ITPKC: variants seen among roughly 807,000 people sequenced by gnomAD.
The protein encoded by ITPKC is IP3 3-kinase C.
A neutral mutation model predicts 67.1 loss-of-function variants in ITPKC; 33 were observed. The ratio of observed to expected loss-of-function variants is 0.49; its 90% confidence interval spans 0.37 to 0.66. The LOEUF is 0.66. Ranked by LOEUF, ITPKC falls within the 30% of genes least tolerant of loss-of-function variation. The pLI is 0.00. For missense variants in ITPKC, 820 were observed against 892.1 expected (o/e 0.92, Z 1.03); for synonymous variants, 341 against 359.8 (o/e 0.95, Z 0.59).
At chr19:40,738,798 T>A (rs1163555288) in intron 6 of ITPKC, among the ~76,000 whole-genome samples, 2 of 152,208 alleles carry the variant, frequency 1.3e-5, no homozygotes, top group Non-Finnish European at 2.9e-5. Flanking sequence ...GTCGACCCCT[T>A]ATCCTCAGGT....
intron 3 of ITPKC, among the ~76,000 whole-genome samples, chr19:40,732,609 T>G (rs953658003): frequency 5.9e-5 from 9 of 151,902 alleles, no homozygotes; most frequent in Admixed American, 1.3e-4. Flanking sequence ...CAATATACAT[T>G]GTAACTAACA....
At chr19:40,729,533 A>T in intron 3 of ITPKC, 118 bp downstream of exon 3, 1 of 834,886 alleles carries the variant, frequency 1.2e-6, no homozygotes, top group Non-Finnish European at 1.9e-6. Flanking sequence ...TGGGAGGCCG[A>T]GGCTGGTGGA....
At chr19:40,720,937 C>T (rs763769186) in intron 1 of ITPKC, among the ~76,000 whole-genome samples, 14 of 151,950 alleles carry the variant, frequency 9.2e-5, no homozygotes, top group Admixed American at 4.6e-4. Context: ...ATTGTGTTCT[C>T]TTTCTTTTTC....
chr19:40,739,423 T>G lies in ITPKC; in HGVS notation c.1915T>G (p.Phe639Val). The G allele has an allele frequency of 1.9e-6, 3 of 1,613,698 alleles. No homozygotes were observed. Among genetic ancestry groups the G allele is most frequent in the Non-Finnish European group, 2.5e-6 (3 of 1,180,028 alleles). The change falls in exon 7 of 7, where the codon TTC (phenylalanine) becomes GTC (valine). Residue 639 changes from phenylalanine (F) to valine (V), a missense_variant. Physicochemically the swap from Phe to Val is conservative, Grantham distance 50 (BLOSUM62 -1). Coordinates refer to ENST00000263370, the MANE Select transcript of ITPKC (RefSeq NM_025194.3). ...CCTGGCCAAGGTCTGGATGATAGAC[T>G]TCGGCAAGACGGTGGCCTTGCCCGA... is the stretch of plus-strand genomic sequence containing the variant. ...TGLAKVWMID[F>V]GKTVALPDHQ...
intron 2 of ITPKC, among the ~76,000 whole-genome samples, chr19:40,728,414 A>C (rs2082255878): frequency 6.6e-6 from 1 of 152,168 alleles, no homozygotes; most frequent in Admixed American, 6.5e-5. Context: ...ATATAATCTG[A>C]AAATACAGCT....
chr19:40,734,329 A>G (rs1249615056), intron 4 of ITPKC, among the ~76,000 whole-genome samples: 2 of 152,112 alleles, frequency 1.3e-5, no homozygotes, highest in Non-Finnish European at 2.9e-5. Flanking sequence ...CACTTTGTAT[A>G]TAAGACATTT....
rs1235899794 is a variant in ITPKC at position 40,740,316 on chromosome 19, T to A, written c.*756T>A. ...GTACCTCGCTCCTCTGTGCACCAGA[T>A]CCGGCCTCAGGACTTACACCTCCTG... On this transcript the variant is annotated 3_prime_UTR_variant, in exon 7 of 7. Coordinates refer to ENST00000263370, the MANE Select transcript of ITPKC (RefSeq NM_025194.3). The A allele has an allele frequency of 6.5e-6, 1 of 153,774 alleles. No homozygotes were observed. The highest frequency in any genetic ancestry group is 1.9e-4 in the East Asian group (1 of 5,296). 9.5% of individuals were successfully genotyped at this position (153,774 alleles called of 1,614,324 possible).
chr19:40,718,261 G>T lies in ITPKC; in HGVS notation c.1126G>T (p.Gly376Cys). 6.6e-7 allele frequency: 1 copy of T among 1,519,892 alleles called. No individual in the cohort carries two copies. 94.2% of individuals were successfully genotyped at this position (1,519,892 alleles called of 1,614,324 possible). ...SEDDVVAGGGGASDPEDRSGS... is the reference protein window; with the variant it reads ...SEDDVVAGGGCASDPEDRSGS... Reference sequence around the variant, plus strand: ...GGATGACGTGGTGGCCGGGGGCGGAGGTGCCAGCGATCCCGAGGACAGGTC... The same window carrying T: ...GGATGACGTGGTGGCCGGGGGCGGATGTGCCAGCGATCCCGAGGACAGGTC... Residue 376 changes from glycine (G) to cysteine (C), a missense_variant, in exon 1 of 7, where the codon GGT becomes TGT. Gly to Cys is a radical substitution (Grantham distance 159). Transcript: ENST00000263370.
At chr19:40,736,087 C>T (rs930389187) in intron 4 of ITPKC, among the ~76,000 whole-genome samples, 14 of 152,116 alleles carry the variant, frequency 9.2e-5, no homozygotes, top group Admixed American at 2.6e-4. Flanking sequence ...GTCAGGAGAT[C>T]GAGACCATCC....
rs1286723647 is a variant in ITPKC, at chr19:40,733,152, G to C, written c.1470-8G>C. 6.2e-7 allele frequency: 1 copy of C among 1,613,238 alleles called. No individual in the cohort carries two copies. The highest frequency in any genetic ancestry group is 1.1e-5 in the South Asian group (1 of 91,022). ...TAATTTCCTTTGTCACATCCTCTGT[G>C]TGCTCAGGACCTATCTGGAAGAGGA... On this transcript the variant is annotated splice_polypyrimidine_tract_variant and splice_region_variant and intron_variant, in intron 3 of 6. Transcript: ENST00000263370.
In ITPKC at chr19:40,739,408, G is replaced by T. The variant is rs141298994; in HGVS notation, c.1900G>T (p.Val634Phe). The change falls in exon 7 of 7, where the codon GTC becomes TTC. Residue 634 changes from valine to phenylalanine, a missense_variant. This residue lies in a region of ITPKC where 339 missense variants were observed against 422.0 expected (regional missense o/e 0.80). Transcript: ENST00000263370. Reference sequence around the variant, plus strand: ...GCACGACCACACCGGCCTGGCCAAGGTCTGGATGATAGACTTCGGCAAGAC... The same window carrying T: ...GCACGACCACACCGGCCTGGCCAAGTTCTGGATGATAGACTTCGGCAAGAC... ...FVHDHTGLAKVWMIDFGKTVA... is the reference protein window; with the variant it reads ...FVHDHTGLAKFWMIDFGKTVA... 3.7e-6 allele frequency: 6 copies of T among 1,613,758 alleles called. No individual in the cohort carries two copies. The highest frequency in any genetic ancestry group is 5.1e-6 in the Non-Finnish European group (6 of 1,180,044).
chr19:40,725,138 C>G (rs1263370006), intron 1 of ITPKC, among the ~76,000 whole-genome samples: 1 of 152,070 alleles, frequency 6.6e-6, no homozygotes. Flanking sequence ...TTTCCCCTAT[C>G]TTGCTGAGGG....
In ITPKC at chr19:40,720,515, G is replaced by C. The variant is rs1165611580; in HGVS notation, c.1155+2225G>C. ...AAACCCATCGTTTAAACCCTCCAGTGTGTAGATCTGTTCCTAACTTGTCTC... is the reference window on the plus strand; with the variant it reads ...AAACCCATCGTTTAAACCCTCCAGTCTGTAGATCTGTTCCTAACTTGTCTC... On this transcript the variant is annotated intron_variant, in intron 1 of 6. Transcript: ENST00000263370. Among the ~76,000 whole-genome samples, 3 of 152,030 alleles carry C rather than the reference G, an allele frequency of 2.0e-5. No individual in the cohort carries two copies. In the East Asian group the frequency reaches 5.8e-4, roughly 29 times the overall value.
chr19:40,734,616 C>CT (rs139302728), intron 4 of ITPKC, among the ~76,000 whole-genome samples: 16,330 of 148,872 alleles, frequency 0.11, 1,119 homozygotes, highest in South Asian at 0.16. Flanking sequence ...CTTCTCTTTT[C>CT]TTTTTTTTTT....
chr19:40,722,376 C>T (rs553146318), intron 1 of ITPKC, among the ~76,000 whole-genome samples: 3 of 152,088 alleles, frequency 2.0e-5, no homozygotes, highest in African/African-American at 7.2e-5. Context: ...TGGAATGTTC[C>T]AGGTACTTAG....
chr19:40,718,120 C>T lies in ITPKC; in HGVS notation c.985C>T (p.Arg329Cys), dbSNP rs970757768. 4 of 1,611,920 alleles carry T rather than the reference C, an allele frequency of 2.5e-6. No homozygotes were observed. Among genetic ancestry groups the T allele is most frequent in the Admixed American group, 3.3e-5 (2 of 59,986 alleles). ...LKCSPLCPVP[R>C]LIITPETPEP... Reference sequence around the variant, plus strand: ...GTGTAGCCCCCTGTGCCCTGTGCCCCGCCTCATCATTACCCCTGAGACCCC... The same window carrying T: ...GTGTAGCCCCCTGTGCCCTGTGCCCTGCCTCATCATTACCCCTGAGACCCC... Residue 329 changes from arginine to cysteine, a missense_variant, in exon 1 of 7, where the codon CGC becomes TGC. Arg to Cys is a radical substitution (Grantham distance 180, BLOSUM62 -3). Coordinates refer to ENST00000263370, the MANE Select transcript of ITPKC (RefSeq NM_025194.3).
At chr19:40,734,781 G>GTTGTT (rs1568451995) in intron 4 of ITPKC, among the ~76,000 whole-genome samples, 2 of 114,900 alleles carry the variant, frequency 1.7e-5, no homozygotes, top group Non-Finnish European at 1.8e-5. Context: ...GCTAATTGTT[G>GTTGTT]TTTTTTTTTT....
rs1163155245 is a variant in ITPKC at position 40,717,982 on chromosome 19, G to A, written c.847G>A (p.Asp283Asn). Residue 283 changes from aspartate (D) to asparagine (N), a missense_variant, in exon 1 of 7, where the codon GAC becomes AAC. Asp to Asn is a conservative substitution (Grantham distance 23). This residue lies in a region of ITPKC where 481 missense variants were observed against 470.1 expected (regional missense o/e 1.02). Transcript: ENST00000263370. ...TGGCTCCTGGACACAACCTAGCACT[G>A]ACGGTTCCCAGACAGCACCTGGGAC... is the stretch of plus-strand genomic sequence containing the variant. ...TDGSWTQPST[D>N]GSQTAPGTDC... 6.2e-7 allele frequency: 1 copy of A among 1,614,184 alleles called. No homozygotes were observed. Among genetic ancestry groups the A allele is most frequent in the Non-Finnish European group, 8.5e-7 (1 of 1,180,022 alleles).
At chr19:40,739,329 C>T in intron 6 of ITPKC, 28 bp from the exon 7 acceptor site, 1 of 1,593,694 alleles carries the variant, frequency 6.3e-7, no homozygotes, top group Non-Finnish European at 8.6e-7. Flanking sequence ...CCTGCTCCTC[C>T]CTTAACCTCC....
Sources: gnomAD v4.1 joint callset for allele counts (sites outside exome capture counted in the v4.1 genomes callset) on GRCh38, gnomAD v4.1.1 for gene constraint, gnomAD v4.1.1 regional missense constraint, MANE v1.5 for transcripts, NCBI Gene and HGNC (gene_info 2026-07-23, HGNC 2026-07-21) for gene names.